Variants in PRKG1 observed in about 807,000 individuals in gnomAD.
The protein encoded by PRKG1 is protein kinase cGMP-dependent 1, also known as cGMP-dependent protein kinase 1.
In PRKG1, 35 loss-of-function variants were observed where a neutral mutation model predicts 88.1. The observed-to-expected ratio is 0.40, with a 90% confidence interval of 0.30 to 0.53. The LOEUF (loss-of-function observed/expected upper bound fraction) is 0.53, where lower values mean the gene tolerates loss of function less well. Among genes scored for constraint, PRKG1 ranks in the 20% least tolerant of loss-of-function variants. PRKG1 has a pLI of 0.59. For missense variants in PRKG1, 540 were observed against 839.8 expected, an observed-to-expected ratio of 0.64 and a Z score of 4.41; for synonymous variants, 303 against 292.5, an observed-to-expected ratio of 1.04 and a Z score of -0.37.
intron 3 of PRKG1, among the ~76,000 whole-genome samples, chr10:51,728,320 G>C (rs1270037819): frequency 6.6e-6 from 1 of 151,948 alleles, no homozygotes; most frequent in African/African-American, 2.4e-5. Flanking sequence ...AAAAAGAAAT[G>C]AATTAGGAAA....
At chr10:51,546,538 TG>T (rs1220233148) in intron 3 of PRKG1, among the ~76,000 whole-genome samples, 1 of 152,126 alleles carries the variant, frequency 6.6e-6, no homozygotes, top group East Asian at 1.9e-4. Flanking sequence ...GAGACAAGCC[TG>T]TATATGCTAC....
At chr10:52,262,919 T>C (rs930768356) in intron 10 of PRKG1, among the ~76,000 whole-genome samples, 6 of 152,122 alleles carry the variant, frequency 3.9e-5, no homozygotes, top group African/African-American at 1.4e-4. Flanking sequence ...AAAATGTCTA[T>C]ATATGTTCAC....
At chr10:51,370,554 A>C (rs1414692224) in intron 2 of PRKG1, among the ~76,000 whole-genome samples, 2 of 151,348 alleles carry the variant, frequency 1.3e-5, no homozygotes, top group Non-Finnish European at 3.0e-5. Flanking sequence ...TAGTCCCAGC[A>C]GCAGCCAGTC....
rs769842672 is a variant in PRKG1 at position 51,258,095 on chromosome 10, G to A, written c.478+104765G>A. Among the ~76,000 whole-genome samples the A allele has an allele frequency of 2.6e-5, 4 of 152,162 alleles. 1 individual carries two copies. The highest frequency in any genetic ancestry group is 4.1e-4 in the South Asian group (2 of 4,830). ...ACAGGGAAGGCTTATGGATGACCAC[G>A]AAGCACAGACGGGAGCTAATCGGGT... is the stretch of plus-strand genomic sequence containing the variant. On this transcript the variant is annotated intron_variant, in intron 2 of 17. Transcript: ENST00000373980.
At position 52,019,609 on chromosome 10, in the gene PRKG1, G is replaced by C. The variant is rs572635334; in HGVS notation, c.763-34875G>C. Among the ~76,000 whole-genome samples the C allele has an allele frequency of 1.6e-4, 24 of 152,310 alleles. No individual in the cohort carries two copies. In the South Asian group the frequency reaches 1.9e-3, roughly 12 times the overall value. On this transcript the variant is annotated intron_variant, in intron 5 of 17. Coordinates refer to ENST00000373980, the MANE Select transcript of PRKG1 (RefSeq NM_006258.4). Reference sequence around the variant, plus strand: ...TGTTAATGAGGATATTTTATACTCTGTGTCCATGAGATATTGATATGCTCA... The same window carrying C: ...TGTTAATGAGGATATTTTATACTCTCTGTCCATGAGATATTGATATGCTCA...
At chr10:52,082,510 A>T (rs1300618062) in intron 7 of PRKG1, among the ~76,000 whole-genome samples, 1 of 152,152 alleles carries the variant, frequency 6.6e-6, no homozygotes, top group African/African-American at 2.4e-5. Context: ...GGTGGCATGG[A>T]AAGTGAAATT....
intron 9 of PRKG1, among the ~76,000 whole-genome samples, chr10:52,208,718 T>C (rs530670781): frequency 7.9e-5 from 12 of 152,350 alleles, no homozygotes; most frequent in Admixed American, 4.6e-4. Context: ...TGGCAAATTA[T>C]TTCTGCCCTA....
chr10:51,549,905 A>G (rs532425054), intron 3 of PRKG1, among the ~76,000 whole-genome samples: 48 of 152,148 alleles, frequency 3.2e-4, no homozygotes, highest in African/African-American at 1.1e-3. Context: ...AGGATGGGGG[A>G]AGTGTCCTTG....
At chr10:52,001,675 TA>T (rs1407932861) in intron 5 of PRKG1, among the ~76,000 whole-genome samples, 3 of 151,934 alleles carry the variant, frequency 2.0e-5, no homozygotes, top group Non-Finnish European at 4.4e-5. Flanking sequence ...AGTAAATACT[TA>T]AAAATGTATT....
chr10:51,549,968 A>G (rs1679288274), intron 3 of PRKG1, among the ~76,000 whole-genome samples: 1 of 152,016 alleles, frequency 6.6e-6, no homozygotes, highest in Non-Finnish European at 1.5e-5. Context: ...TCCTTCACTT[A>G]TTATCAGTCA....
Position 51,699,555 on chromosome 10 carries a change from C to T in PRKG1, c.593-105030C>T, listed in dbSNP as rs189752299. 68 of 1,605,050 alleles carry T rather than the reference C, an allele frequency of 4.2e-5. No homozygotes were observed. In the East Asian group the frequency reaches 1.3e-3, roughly 31 times the overall value. ...CTCACCGCCAAACTCGACATGATTC[C>T]GGTTGTGCAGACAGCCGATAGCGGA... On this transcript the variant is annotated intron_variant, in intron 3 of 17. Transcript: ENST00000373980.
chr10:51,329,859 C>G (rs1019175124), intron 2 of PRKG1, among the ~76,000 whole-genome samples: 1 of 149,664 alleles, frequency 6.7e-6, no homozygotes, highest in Non-Finnish European at 1.5e-5. Context: ...TGCTTCATTT[C>G]TCTTGCTGCT....
chr10:51,827,096 A>G (rs1390247920), intron 4 of PRKG1, among the ~76,000 whole-genome samples: 2 of 152,164 alleles, frequency 1.3e-5, no homozygotes, highest in Non-Finnish European at 2.9e-5. Context: ...CAACAAAGCA[A>G]AGTTTCCCAA....
At chr10:52,234,724 A>C (rs1840632104) in intron 9 of PRKG1, among the ~76,000 whole-genome samples, 5 of 121,242 alleles carry the variant, frequency 4.1e-5, no homozygotes, top group African/African-American at 1.4e-4. Context: ...GAATGGAACC[A>C]AGTTGGAAAA....
intron 3 of PRKG1, among the ~76,000 whole-genome samples, chr10:51,635,748 G>A (rs1267308951): frequency 6.6e-6 from 1 of 152,136 alleles, no homozygotes; most frequent in African/African-American, 2.4e-5. Flanking sequence ...CAACTCAACA[G>A]TAACTGTGGG....
At position 52,295,309 on chromosome 10, in the gene PRKG1, A is replaced by G. The variant is rs1842356869; in HGVS notation, c.*1409A>G. ...ACTTGTCTAACTAAGAAAGCAGTAC[A>G]GAGGAAAACAGGAACCTGATTTTTT... is the stretch of plus-strand genomic sequence containing the variant. On this transcript the variant is annotated 3_prime_UTR_variant, in exon 18 of 18. Transcript: ENST00000373980. 1.3e-5 allele frequency: 2 copies of G among 152,074 alleles called. No homozygotes were observed. Among genetic ancestry groups the G allele is most frequent in the African/African-American group, 4.8e-5 (2 of 41,446 alleles). The allele number at this position is 152,074 out of a possible 1,614,324, so 9.4% of individuals were successfully genotyped here. A position where few individuals can be genotyped will look rare whatever the true frequency, so the allele number is the denominator to read the frequency against.
chr10:52,044,528 G>T lies in PRKG1; in HGVS notation c.763-9956G>T, dbSNP rs143046753. 8.5e-5 allele frequency among the ~76,000 whole-genome samples: 13 copies of T among 152,198 alleles called. No homozygotes were observed. The East Asian group carries it at 2.5e-3, about 29-fold the overall frequency. ...AGAAGCCAAGATACTTCATTGTTCT[G>T]AAAGTTTATGGCTTTTGTAAAGAAA... On this transcript the variant is annotated intron_variant, in intron 5 of 17. Transcript: ENST00000373980.
At chr10:51,263,183 C>A (rs1401278005) in intron 2 of PRKG1, among the ~76,000 whole-genome samples, 1 of 152,120 alleles carries the variant, frequency 6.6e-6, no homozygotes, top group Non-Finnish European at 1.5e-5. Context: ...CCTTTTTCTG[C>A]AAGCTTATAG....
At chr10:52,049,259 C>G (rs533068633) in intron 5 of PRKG1, among the ~76,000 whole-genome samples, 55 of 152,124 alleles carry the variant, frequency 3.6e-4, no homozygotes, top group African/African-American at 1.3e-3. Context: ...GTGATGACAG[C>G]AAGATAATGT....
Sources: gnomAD v4.1 joint callset for allele counts (sites outside exome capture counted in the v4.1 genomes callset) on GRCh38, gnomAD v4.1.1 for gene constraint, MANE v1.5 for transcripts, NCBI Gene and HGNC (gene_info 2026-07-23, HGNC 2026-07-21) for gene names.